The following DMD variants were observed in gnomAD, a reference collection of about 807,000 sequenced individuals.
DMD encodes the protein mutant dystrophin.
Under a neutral mutation model 330.1 loss-of-function variants are expected in DMD, and 63 were observed. The ratio of observed to expected loss-of-function variants is 0.19; its 90% CI spans 0.16 to 0.24. The LOEUF is 0.24. DMD is among the 10% of genes least tolerant of loss of function. The probability of loss-of-function intolerance (pLI) is 1.00; values close to 1 mark genes in which losing one functional copy is unlikely to be tolerated. For synonymous variants in DMD, 1,223 were observed against 959.8 expected, an observed-to-expected ratio of 1.27 and a Z score of -5.07; for missense variants, 3,344 against 2,684.1, an observed-to-expected ratio of 1.25 and a Z score of -5.43.
intron 64 of DMD, among the ~76,000 whole-genome samples, chrX:31,212,140 AAT>A (rs2044739421): frequency 1.0e-5 from 1 of 95,911 alleles, no homozygotes; most frequent in African/African-American, 4.0e-5. Context: ...ATTTCCATTA[AAT>A]ATATTATATA....
intron 29 of DMD, among the ~76,000 whole-genome samples, chrX:32,421,110 G>A (rs1264244431): frequency 8.9e-6 from 1 of 112,033 alleles, no homozygotes; most frequent in African/African-American, 3.2e-5. Flanking sequence ...CCAATTACAT[G>A]AAGATTAACA....
chrX:32,012,778 A>G (rs1275234281), intron 44 of DMD, among the ~76,000 whole-genome samples: 1 of 111,541 alleles, frequency 9.0e-6, no homozygotes, highest in Non-Finnish European at 1.9e-5. Context: ...TGAGAGCAAA[A>G]GGAGGCCCAA....
chrX:31,613,072 GATA>G (rs2078012359), intron 55 of DMD, among the ~76,000 whole-genome samples: 1 of 111,917 alleles, frequency 8.9e-6, no homozygotes, highest in Non-Finnish European at 1.9e-5. Context: ...TCTTGACTGG[GATA>G]ATGACTACTT....
intron 41 of DMD, among the ~76,000 whole-genome samples, chrX:32,339,192 G>A (rs925481880): frequency 9.0e-6 from 1 of 111,022 alleles, no homozygotes; most frequent in Non-Finnish European, 1.9e-5. Flanking sequence ...GTTTATCCCT[G>A]ATCATACAGC....
chrX:31,205,956 G>A (rs775697748), intron 66 of DMD, among the ~76,000 whole-genome samples: 2 of 112,548 alleles, frequency 1.8e-5, no homozygotes, highest in South Asian at 7.4e-4. Context: ...ATGGTCACTT[G>A]GTCATCTGAA....
chrX:32,238,919 A>T (rs1056966871), intron 43 of DMD, among the ~76,000 whole-genome samples: 2 of 111,815 alleles, frequency 1.8e-5, no homozygotes, highest in Non-Finnish European at 3.8e-5. Flanking sequence ...CAGTTCTAAG[A>T]AAACTGATGT....
At chrX:32,327,647 A>G (rs1176961025) in intron 41 of DMD, among the ~76,000 whole-genome samples, 1 of 111,401 alleles carries the variant, frequency 9.0e-6, no homozygotes, top group Non-Finnish European at 1.9e-5. Context: ...TACAATCCAG[A>G]TAGTTTCTCC....
intron 2 of DMD, among the ~76,000 whole-genome samples, chrX:32,917,607 A>G (rs750516999): frequency 8.9e-6 from 1 of 111,749 alleles, no homozygotes; most frequent in Non-Finnish European, 1.9e-5. Flanking sequence ...CTCTAACTCT[A>G]TATTGTCACT....
Position 31,780,716 on chromosome X carries a change from T to A in DMD, c.7310-6524A>T, listed in dbSNP as rs757397383. The stretch of plus-strand genomic sequence containing the variant: ...AAGAATTTCATGTCTTCCCTCTAAA[T>A]ATTTACAGTCTGCACATACAAGTTG... On this transcript the variant is annotated intron_variant, in intron 50 of 78. Coordinates refer to ENST00000357033, the MANE Select transcript of DMD (RefSeq NM_004006.3). 8.9e-5 allele frequency among the ~76,000 whole-genome samples: 10 copies of A among 112,264 alleles called. No homozygotes were observed. In the South Asian group the frequency reaches 1.8e-3, roughly 21 times the overall value.
At chrX:32,489,879 A>G (rs774705360) in intron 20 of DMD, among the ~76,000 whole-genome samples, 12 of 111,850 alleles carry the variant, frequency 1.1e-4, no homozygotes, top group Non-Finnish European at 1.5e-4. Flanking sequence ...ATGCATCTCA[A>G]TGTAGAAATT....
At chrX:33,130,121 TGAG>T (rs1365948776) in intron 1 of DMD, among the ~76,000 whole-genome samples, 4 of 111,614 alleles carry the variant, frequency 3.6e-5, no homozygotes, top group African/African-American at 6.5e-5. Context: ...GTTACTGACT[TGAG>T]GAGGAAAAAA....
At chrX:31,141,934 A>T (rs1453396743) in intron 76 of DMD, among the ~76,000 whole-genome samples, 4 of 111,287 alleles carry the variant, frequency 3.6e-5, no homozygotes, top group Non-Finnish European at 7.5e-5. Flanking sequence ...CCTATATGGT[A>T]ATCTGGCATA....
intron 51 of DMD, among the ~76,000 whole-genome samples, chrX:31,763,477 C>T (rs1304723532): frequency 5.4e-5 from 6 of 112,014 alleles, no homozygotes; most frequent in African/African-American, 1.3e-4. Flanking sequence ...GCAGGAGAAT[C>T]GCTTGAACCT....
chrX:33,328,410 C>A (rs183209382), intron 1 of DMD, among the ~76,000 whole-genome samples: 1 of 110,394 alleles, frequency 9.1e-6, no homozygotes, highest in Non-Finnish European at 1.9e-5. Flanking sequence ...ATTGGCCAGG[C>A]TGGTCTCGAA....
At chrX:32,715,221 G>A (rs1251837799) in intron 7 of DMD, among the ~76,000 whole-genome samples, 1 of 110,665 alleles carries the variant, frequency 9.0e-6, no homozygotes, top group East Asian at 2.9e-4. Context: ...GCTCATGCCT[G>A]TAATCCCAGC....
intron 60 of DMD, among the ~76,000 whole-genome samples, chrX:31,404,104 C>T (rs1452915902): frequency 9.1e-6 from 1 of 110,379 alleles, no homozygotes; most frequent in East Asian, 2.8e-4. Flanking sequence ...TGTACACCCC[C>T]CATCTTCTAA....
intron 44 of DMD, among the ~76,000 whole-genome samples, chrX:32,059,604 A>C (rs1259492263): frequency 1.8e-5 from 2 of 111,749 alleles, no homozygotes; most frequent in African/African-American, 6.5e-5. Context: ...AGATTATTCC[A>C]GGCTTTAAAT....
In DMD at chrX:31,123,513, G is replaced by C. The variant is rs189909681; in HGVS notation, c.11047-1583C>G. ...AAGACGACACAGTGGGGCCTTTGCT[G>C]CTCCTTAGAGCTCAGAGTACAAATA... is the stretch of plus-strand genomic sequence containing the variant. On this transcript the variant is annotated intron_variant, in intron 78 of 78. Coordinates refer to ENST00000357033, the MANE Select transcript of DMD (RefSeq NM_004006.3). 8.9e-5 allele frequency among the ~76,000 whole-genome samples: 10 copies of C among 111,986 alleles called. No homozygotes were observed. In the Admixed American group the frequency reaches 9.5e-4, roughly 11 times the overall value.
intron 52 of DMD, among the ~76,000 whole-genome samples, chrX:31,724,149 G>C (rs983427692): frequency 1.8e-5 from 2 of 112,303 alleles, no homozygotes; most frequent in Non-Finnish European, 3.8e-5. Context: ...GCAGGTGCTA[G>C]ATGTCAAAAG....
Sources: allele counts gnomAD v4.1 joint callset (sites outside exome capture counted in the v4.1 genomes callset), GRCh38; gene constraint gnomAD v4.1.1; transcripts MANE v1.5; gene names NCBI Gene and HGNC (gene_info 2026-07-23, HGNC 2026-07-21).